Variants in SLC30A6 observed in about 807,000 individuals in gnomAD.
The protein encoded by SLC30A6 is solute carrier family 30 member 6, also known as zinc transporter 6.
SLC30A6 carries 55 observed loss-of-function variants against 63.0 expected under a neutral mutation model. The ratio of observed to expected loss-of-function variants is 0.87; its 90% CI spans 0.70 to 1.09. The LOEUF (loss-of-function observed/expected upper bound fraction) is 1.09, where lower values mean the gene tolerates loss of function less well. Ranked by LOEUF, SLC30A6 falls within the 50% of genes least tolerant of loss-of-function variation. The pLI is 0.00. For synonymous variants in SLC30A6, 224 were observed against 186.1 expected (o/e 1.20, Z -1.66); for missense variants, 587 against 549.2 (o/e 1.07, Z -0.69).
chr2:32,202,034 A>G (rs76327789), intron 10 of SLC30A6: 2 of 1,055,108 alleles, frequency 1.9e-6, no homozygotes, highest in South Asian at 2.9e-5. Flanking sequence ...AAAAAAAAAA[A>G]GCAAGTATCA....
chr2:32,193,400 C>T (rs972058923), intron 7 of SLC30A6, among the ~76,000 whole-genome samples: 6 of 151,862 alleles, frequency 4.0e-5, no homozygotes, highest in African/African-American at 7.3e-5. Flanking sequence ...CAGAGTGAGA[C>T]CCTGTCTCCA....
intron 4 of SLC30A6, 75 bp downstream of exon 4, chr2:32,175,436 C>T: frequency 7.4e-7 from 1 of 1,343,478 alleles, no homozygotes; most frequent in Non-Finnish European, 1.0e-6. Flanking sequence ...CCATACAATT[C>T]AGCAATAAAA....
chr2:32,190,082 C>A (rs1683192216), intron 5 of SLC30A6, among the ~76,000 whole-genome samples: 1 of 152,128 alleles, frequency 6.6e-6, no homozygotes, highest in Admixed American at 6.6e-5. Context: ...CTGTATTAAT[C>A]TGTAACAGTT....
At chr2:32,183,660 C>T (rs887121119) in intron 4 of SLC30A6, among the ~76,000 whole-genome samples, 5 of 149,632 alleles carry the variant, frequency 3.3e-5, no homozygotes, top group African/African-American at 1.2e-4. Flanking sequence ...TGCACTCCAG[C>T]CTGGGCAACA....
At chr2:32,207,730 T>C (rs1684903302) in intron 12 of SLC30A6, among the ~76,000 whole-genome samples, 1 of 121,180 alleles carries the variant, frequency 8.3e-6, no homozygotes, top group Admixed American at 1.0e-4. Flanking sequence ...AGATGGAGTC[T>C]CGCTCTGTCG....
intron 10 of SLC30A6, chr2:32,204,081 AT>A: frequency 1.9e-6 from 1 of 522,806 alleles, no homozygotes; most frequent in South Asian, 2.5e-5. Flanking sequence ...TTAGGTCATC[AT>A]AGTTGAGGTA....
At chr2:32,189,281 CTTTTTTT>C (rs61221362) in intron 5 of SLC30A6, among the ~76,000 whole-genome samples, 1 of 114,874 alleles carries the variant, frequency 8.7e-6, no homozygotes, top group African/African-American at 3.2e-5. Context: ...TTGATACTGT[CTTTTTTT>C]TTTTTTTTTT....
intron 2 of SLC30A6, among the ~76,000 whole-genome samples, chr2:32,173,103 G>C (rs1233782383): frequency 6.6e-6 from 1 of 152,000 alleles, no homozygotes; most frequent in African/African-American, 2.4e-5. Flanking sequence ...CCTCTTTCTT[G>C]CATCGTAATT....
At chr2:32,181,512 C>T (rs1028546436) in intron 4 of SLC30A6, among the ~76,000 whole-genome samples, 4 of 151,802 alleles carry the variant, frequency 2.6e-5, no homozygotes, top group African/African-American at 7.3e-5. Context: ...TTTCAGATTT[C>T]TTATTATTAA....
At chr2:32,165,967 G>A (rs1680607040) in intron 1 of SLC30A6, 64 bp downstream of exon 1, 1 of 1,611,864 alleles carries the variant, frequency 6.2e-7, no homozygotes, top group South Asian at 1.1e-5. Flanking sequence ...ATTTGGTCCC[G>A]AAGCGACCTT....
chr2:32,172,186 A>C (rs1045536119), intron 2 of SLC30A6, among the ~76,000 whole-genome samples: 5 of 152,182 alleles, frequency 3.3e-5, no homozygotes, highest in Non-Finnish European at 7.3e-5. Context: ...TTTTTATAGA[A>C]GTACAATATA....
intron 8 of SLC30A6, among the ~76,000 whole-genome samples, chr2:32,196,174 G>C (rs937044167): frequency 6.6e-6 from 1 of 152,140 alleles, no homozygotes; most frequent in African/African-American, 2.4e-5. Flanking sequence ...AATTAGCCGG[G>C]CATGGTGGCA....
At chr2:32,168,918 G>A (rs1680922781) in intron 1 of SLC30A6, among the ~76,000 whole-genome samples, 1 of 152,094 alleles carries the variant, frequency 6.6e-6, no homozygotes, top group African/African-American at 2.4e-5. Context: ...TATGACATTA[G>A]GATTTTTGTT....
intron 10 of SLC30A6, 50 bp from the exon 11 acceptor site, chr2:32,204,540 A>G (rs1684573641): frequency 8.2e-7 from 1 of 1,225,364 alleles, no homozygotes; most frequent in Non-Finnish European, 1.2e-6. Context: ...TAATTGTAAT[A>G]TGCCCAGTGA....
At chr2:32,177,387 C>A in intron 4 of SLC30A6, 1 of 179,362 alleles carries the variant, frequency 5.6e-6, no homozygotes, top group South Asian at 7.2e-5. Context: ...GTGATCTTGG[C>A]TCAAGTGATT....
intron 6 of SLC30A6, 127 bp downstream of exon 6, chr2:32,192,543 G>A (rs1683424888): frequency 2.8e-6 from 2 of 710,912 alleles, no homozygotes; most frequent in Non-Finnish European, 4.7e-6. Context: ...AGTTTTGATA[G>A]TACACTTTCT....
chr2:32,177,889 A>G (rs573707074), intron 4 of SLC30A6, among the ~76,000 whole-genome samples: 6 of 151,848 alleles, frequency 4.0e-5, no homozygotes, highest in African/African-American at 1.5e-4. Flanking sequence ...TCCGCCTCCC[A>G]AAGTGCTAAG....
Position 32,220,674 on chromosome 2 carries a change from A to G in SLC30A6, c.1347A>G (p.Arg449=), listed in dbSNP as rs1573451424. The change falls in exon 14 of 14, where the codon AGA becomes AGG. Residue 449 remains arginine (R), a synonymous_variant. Transcript: ENST00000282587. The part of the protein sequence containing the change: ...LRTGFTNIPS[R]YGTNNRIGQP... ...CTGGTTTTACAAATATACCAAGTAGATATGGAACTAATAATAGAATTGGAC... is the reference window on the plus strand; with the variant it reads ...CTGGTTTTACAAATATACCAAGTAGGTATGGAACTAATAATAGAATTGGAC... 6.2e-7 allele frequency: 1 copy of G among 1,614,018 alleles called. No homozygotes were observed. The highest frequency in any genetic ancestry group is 8.5e-7 in the Non-Finnish European group (1 of 1,179,888).
chr2:32,219,181 A>G (rs212702), intron 13 of SLC30A6, among the ~76,000 whole-genome samples: 117,245 of 151,768 alleles, frequency 0.77, 45,715 homozygotes, highest in African/African-American at 0.86. Context: ...TTATAGGCAC[A>G]TGTCACCACA....
Sources: allele counts gnomAD v4.1 joint callset (sites outside exome capture counted in the v4.1 genomes callset), GRCh38; gene constraint gnomAD v4.1.1; transcripts MANE v1.5; gene names NCBI Gene and HGNC (gene_info 2026-07-23, HGNC 2026-07-21).